POTEE: variants seen among roughly 807,000 people sequenced by gnomAD.
POTEE encodes POTE ankyrin domain family member E, also known as ANKRD26-like family C member 1A.
POTEE carries 21 observed loss-of-function variants against 74.2 expected under a neutral mutation model. The ratio of observed to expected loss-of-function variants is 0.28; its 90% CI spans 0.20 to 0.41. The LOEUF is 0.41. Ranked by LOEUF, POTEE falls within the 10% of genes least tolerant of loss-of-function variation. The pLI is 1.00. For missense variants in POTEE, 525 were observed against 1,158.6 expected (o/e 0.45, Z 7.94); for synonymous variants, 211 against 432.8 (o/e 0.49, Z 6.36).
At chr2:131,223,154 G>A (rs575628253) in intron 4 of POTEE, among the ~76,000 whole-genome samples, 20 of 150,510 alleles carry the variant, frequency 1.3e-4, no homozygotes, top group Non-Finnish European at 2.2e-4. Flanking sequence ...AGTGGTATTA[G>A]TAAAAATTAA....
rs761316564 is a variant in POTEE at position 131,209,667 on chromosome 2, G to A, written c.-497G>A. 2.0e-5 allele frequency among the ~76,000 whole-genome samples: 3 copies of A among 152,260 alleles called. No individual in the cohort carries two copies. Among genetic ancestry groups the A allele is most frequent in the Non-Finnish European group, 4.4e-5 (3 of 68,050 alleles). On this transcript the variant is annotated 5_prime_UTR_variant, in exon 1 of 18. Transcript: ENST00000683005. ...GGTAGGAGGGCAACTAGTAGCGGGA[G>A]CTTCTCCTGCCAGGCAGGAAGACGA...
In POTEE at chr2:131,255,565, GT is replaced by G. The variant is rs752323540; in HGVS notation, c.1778+2488del. The stretch of plus-strand genomic sequence containing the variant: ...TCAGTCCTCAATCTTCTTTCTCATA[GT>G]TTTTTTTTTTTTTTTTTTTTTAAGA... On this transcript the variant is annotated intron_variant, in intron 16 of 17. Transcript: ENST00000683005. 1.2e-3 allele frequency among the ~76,000 whole-genome samples: 17 copies of G among 13,604 alleles called. 1 individual carries two copies. The highest frequency in any genetic ancestry group is 3.2e-3 in the South Asian group (2 of 620). 8.9% of individuals were successfully genotyped at this position (13,604 alleles called of 152,430 possible).
In POTEE at chr2:131,218,604, T is replaced by G; in HGVS notation, c.202T>G (p.Cys68Gly). The G allele has an allele frequency of 3.7e-6, 6 of 1,611,864 alleles. No homozygotes were observed. The highest frequency in any genetic ancestry group is 5.1e-6 in the Non-Finnish European group (6 of 1,179,572). ...CAAGATGGGCAAGTGGTGCCACCAC[T>G]GCTTCCCCTGCTGCAGGGGGAGTGG... ...RSKMGKWCHHCFPCCRGSGKS... is the reference protein window; with the variant it reads ...RSKMGKWCHHGFPCCRGSGKS... The change falls in exon 4 of 18, where the codon TGC (cysteine) becomes GGC (glycine). Residue 68 changes from cysteine to glycine, a missense_variant. Coordinates refer to ENST00000683005, the MANE Select transcript of POTEE (RefSeq NM_001083538.3).
intron 6 of POTEE, among the ~76,000 whole-genome samples, chr2:131,224,258 A>G (rs1301203184): frequency 6.6e-6 from 1 of 151,352 alleles, no homozygotes; most frequent in Non-Finnish European, 1.5e-5. Context: ...CACTTGTGGT[A>G]AATACTTTTT....
At chr2:131,232,685 AAAACAGTAGGAACCAGAGTTGTTTT>A (rs1701001202) in intron 9 of POTEE, among the ~76,000 whole-genome samples, 1 of 150,554 alleles carries the variant, frequency 6.6e-6, no homozygotes, top group South Asian at 2.1e-4. Context: ...AACAGTGGCT[AAAACAGTAGGAACCAGAGTTGTTTT>A]GGTTGTTCAT....
At chr2:131,223,187 G>T (rs947718525) in intron 4 of POTEE, among the ~76,000 whole-genome samples, 6 of 142,284 alleles carry the variant, frequency 4.2e-5, no homozygotes, top group African/African-American at 1.6e-4. Flanking sequence ...TTATTGAGCT[G>T]TTATTTGTGT....
chr2:131,224,480 C>T (rs1366993346), intron 6 of POTEE, among the ~76,000 whole-genome samples: 25 of 143,866 alleles, frequency 1.7e-4, no homozygotes, highest in African/African-American at 6.3e-4. Flanking sequence ...CGAGGTGATG[C>T]GCCTCTCACT....
At chr2:131,215,228 T>C (rs1262528785) in intron 2 of POTEE, among the ~76,000 whole-genome samples, 2 of 151,236 alleles carry the variant, frequency 1.3e-5, no homozygotes, top group Non-Finnish European at 2.9e-5. Context: ...CGTTAGATAA[T>C]AGATATGTTT....
chr2:131,226,758 C>T, intron 6 of POTEE, 65 bp from the exon 7 acceptor site: 2 of 1,606,700 alleles, frequency 1.2e-6, no homozygotes, highest in South Asian at 1.1e-5. Flanking sequence ...ATAAAGTTTC[C>T]ACTTTGGTTG....
intron 1 of POTEE, among the ~76,000 whole-genome samples, chr2:131,210,240 G>C (rs1315184287): frequency 1.2e-5 from 1 of 82,966 alleles, no homozygotes; most frequent in African/African-American, 5.2e-5. Context: ...GGGTGGGGGC[G>C]GCGATTTTGG....
chr2:131,258,426 T>C, intron 16 of POTEE, among the ~76,000 whole-genome samples: 1 of 114,056 alleles, frequency 8.8e-6, no homozygotes, highest in Non-Finnish European at 1.8e-5. Flanking sequence ...TTTAGAAGCT[T>C]TTGCTCAAGT....
At chr2:131,222,502 C>T (rs1173811048) in intron 4 of POTEE, among the ~76,000 whole-genome samples, 3 of 151,678 alleles carry the variant, frequency 2.0e-5, no homozygotes, top group Admixed American at 2.0e-4. Context: ...GTACAACCAA[C>T]CCCCTTGGTG....
At chr2:131,222,373 A>G (rs1440095206) in intron 4 of POTEE, among the ~76,000 whole-genome samples, 1 of 152,188 alleles carries the variant, frequency 6.6e-6, no homozygotes, top group African/African-American at 2.4e-5. Flanking sequence ...ACACACAGAT[A>G]CCTAGAGGGA....
intron 2 of POTEE, among the ~76,000 whole-genome samples, chr2:131,213,481 G>A (rs1700396281): frequency 1.3e-5 from 2 of 152,030 alleles, no homozygotes; most frequent in African/African-American, 2.4e-5. Context: ...TTAAGGTTAT[G>A]AGCATGTAAT....
chr2:131,226,988 A>C, intron 7 of POTEE, 59 bp downstream of exon 7: 1 of 1,593,620 alleles, frequency 6.3e-7, no homozygotes, highest in Non-Finnish European at 8.5e-7. Flanking sequence ...TCAAGTCATA[A>C]ATATTAAATT....
At chr2:131,225,635 C>T (rs1240986069) in intron 6 of POTEE, among the ~76,000 whole-genome samples, 1 of 147,678 alleles carries the variant, frequency 6.8e-6, no homozygotes, top group African/African-American at 2.5e-5. Context: ...GGTGTGATCA[C>T]AGCTCACTGC....
Position 131,223,670 on chromosome 2 carries a change from T to C in POTEE, c.596T>C (p.Leu199Pro). ...CTCCTGCTGGACAGACGATGTCAAC[T>C]TAATGTCCTTGACAACAAAAAGAGG... ...VKLLLDRRCQ[L>P]NVLDNKKRTA... is the part of the protein sequence containing the mutation. Residue 199 changes from leucine to proline, a missense_variant, in exon 5 of 18, where the codon CTT (leucine) becomes CCT (proline). Coordinates refer to ENST00000683005, the MANE Select transcript of POTEE (RefSeq NM_001083538.3). 6.2e-7 allele frequency: 1 copy of C among 1,611,430 alleles called. No individual in the cohort carries two copies. Among genetic ancestry groups the C allele is most frequent in the Admixed American group, 1.7e-5 (1 of 59,948 alleles).
At chr2:131,228,427 A>G in intron 8 of POTEE, 46 bp downstream of exon 8, 1 of 1,601,164 alleles carries the variant, frequency 6.2e-7, no homozygotes, top group Non-Finnish European at 8.5e-7. Context: ...ATTGAGGTTT[A>G]AAATAATTAT....
At chr2:131,216,896 TGCCTAG>T (rs1419892007) in intron 2 of POTEE, among the ~76,000 whole-genome samples, 1 of 151,776 alleles carries the variant, frequency 6.6e-6, no homozygotes, top group Non-Finnish European at 1.5e-5. Context: ...GATGGATGAT[TGCCTAG>T]GGCTGGGAGA....
Sources: gnomAD v4.1 joint callset for allele counts (sites outside exome capture counted in the v4.1 genomes callset) on GRCh38, gnomAD v4.1.1 for gene constraint, MANE v1.5 for transcripts, NCBI Gene and HGNC (gene_info 2026-07-23, HGNC 2026-07-21) for gene names.